SS18: variants seen among roughly 807,000 people sequenced by gnomAD.
SS18 encodes SS18 subunit of BAF chromatin remodeling complex, also known as protein SSXT.
SS18 carries 28 observed loss-of-function variants against 72.5 expected under a neutral mutation model. That is an observed-to-expected ratio of 0.39 (90% CI 0.29 to 0.53). The LOEUF (loss-of-function observed/expected upper bound fraction) is 0.53, where lower values mean the gene tolerates loss of function less well. Ranked by LOEUF, SS18 falls within the 20% of genes least tolerant of loss-of-function variation. The probability of loss-of-function intolerance (pLI) is 0.76; values close to 1 mark genes in which losing one functional copy is unlikely to be tolerated. For synonymous variants in SS18, 172 were observed against 164.2 expected, an observed-to-expected ratio of 1.05 and a Z score of -0.37; for missense variants, 518 against 535.3, an observed-to-expected ratio of 0.97 and a Z score of 0.32.
At chr18:26,030,739 G>A (rs562177253) in intron 10 of SS18, among the ~76,000 whole-genome samples, 18 of 152,082 alleles carry the variant, frequency 1.2e-4, no homozygotes, top group African/African-American at 4.3e-4. Context: ...ACTGGGTTGA[G>A]AAGTAAGAGC....
chr18:26,048,387 C>CA (rs1426423585), intron 5 of SS18, among the ~76,000 whole-genome samples: 2 of 152,070 alleles, frequency 1.3e-5, no homozygotes, highest in African/African-American at 4.8e-5. Flanking sequence ...ATAATACATC[C>CA]ATACAAAGAA....
intron 10 of SS18, among the ~76,000 whole-genome samples, chr18:26,025,384 T>G (rs1173612067): frequency 1.3e-5 from 2 of 151,704 alleles, no homozygotes; most frequent in East Asian, 3.9e-4. Flanking sequence ...TGGGCAGAAA[T>G]CAAAGAAACA....
intron 4 of SS18, among the ~76,000 whole-genome samples, chr18:26,056,832 T>C (rs2054030656): frequency 6.6e-6 from 1 of 152,206 alleles, no homozygotes; most frequent in Non-Finnish European, 1.5e-5. Context: ...ATTACGGCCA[T>C]GGGTTGATGC....
intron 3 of SS18, among the ~76,000 whole-genome samples, chr18:26,061,079 T>C (rs914134459): frequency 2.0e-5 from 3 of 152,164 alleles, no homozygotes; most frequent in Non-Finnish European, 4.4e-5. Flanking sequence ...TTTGGGAGGC[T>C]GAGGCAGGTG....
At chr18:26,050,722 G>A (rs1042830994) in intron 5 of SS18, among the ~76,000 whole-genome samples, 5 of 151,656 alleles carry the variant, frequency 3.3e-5, no homozygotes, top group Admixed American at 6.6e-5. Context: ...AAAGATTTCC[G>A]GTGAAACCCT....
At chr18:26,033,566 C>T (rs1327536403) in intron 9 of SS18, among the ~76,000 whole-genome samples, 2 of 150,806 alleles carry the variant, frequency 1.3e-5, no homozygotes, top group African/African-American at 2.4e-5. Flanking sequence ...TGTTTTCTAT[C>T]GTAGCCATTC....
intron 5 of SS18, among the ~76,000 whole-genome samples, chr18:26,047,058 T>C (rs1403012353): frequency 6.6e-6 from 1 of 152,128 alleles, no homozygotes; most frequent in African/African-American, 2.4e-5. Flanking sequence ...CAGAATTGCA[T>C]ACAGCAAGGC....
At chr18:26,034,302 C>T (rs1469597173) in intron 9 of SS18, among the ~76,000 whole-genome samples, 2 of 152,170 alleles carry the variant, frequency 1.3e-5, no homozygotes, top group African/African-American at 4.8e-5. Context: ...TAAGCAGCTA[C>T]TTTTCTTTCA....
Position 26,020,011 on chromosome 18 carries a change from G to A in SS18, c.1231-1631C>T, listed in dbSNP as rs1406473868. ...TGTTGATAAACTGATGAAGTTGGGT[G>A]ATGGGTACACAGGGGTTCACTATAT... On this transcript the variant is annotated intron_variant, in intron 10 of 10. Coordinates refer to ENST00000415083, the MANE Select transcript of SS18 (RefSeq NM_001007559.3). Among the ~76,000 whole-genome samples, 3 of 152,062 alleles carry A rather than the reference G, an allele frequency of 2.0e-5. No individual in the cohort carries two copies. The East Asian group carries it at 5.8e-4, about 29-fold the overall frequency.
intron 4 of SS18, among the ~76,000 whole-genome samples, chr18:26,054,392 A>C (rs1050278570): frequency 6.6e-6 from 1 of 152,184 alleles, no homozygotes; most frequent in Non-Finnish European, 1.5e-5. Flanking sequence ...CTAGAGATAT[A>C]CAAATTTTTG....
At chr18:26,045,459 T>A (rs187875314) in intron 5 of SS18, among the ~76,000 whole-genome samples, 27 of 152,314 alleles carry the variant, frequency 1.8e-4, no homozygotes, top group African/African-American at 6.0e-4. Flanking sequence ...CATCTGCCTG[T>A]GCCACATTCT....
chr18:26,067,711 C>T (rs376041820), intron 3 of SS18, among the ~76,000 whole-genome samples: 7 of 152,120 alleles, frequency 4.6e-5, no homozygotes, highest in South Asian at 4.2e-4. Flanking sequence ...CGACGAGCTG[C>T]GCAGCCAGAG....
intron 10 of SS18, among the ~76,000 whole-genome samples, chr18:26,021,295 A>G (rs1262012137): frequency 1.3e-5 from 2 of 152,196 alleles, no homozygotes; most frequent in Admixed American, 6.5e-5. Context: ...ATCATCTGAC[A>G]AGGGTAATTA....
chr18:26,064,912 G>T (rs184723119), intron 3 of SS18: 1 of 151,804 alleles, frequency 6.6e-6, no homozygotes, highest in East Asian at 1.9e-4. Flanking sequence ...AATAACTAAG[G>T]TCAATATATA....
intron 9 of SS18, 57 bp from the exon 10 acceptor site, chr18:26,032,589 G>C: frequency 1.3e-6 from 2 of 1,586,984 alleles, no homozygotes; most frequent in South Asian, 2.3e-5. Flanking sequence ...CTAGAACTCA[G>C]GGAAGGATGT....
chr18:26,074,245 G>A (rs918167707), intron 3 of SS18, among the ~76,000 whole-genome samples: 2 of 151,412 alleles, frequency 1.3e-5, no homozygotes, highest in South Asian at 4.2e-4. Flanking sequence ...AGACCAATGG[G>A]CTTAAATGTA....
chr18:26,083,755 T>C (rs2144174543), intron 2 of SS18, among the ~76,000 whole-genome samples: 1 of 152,282 alleles, frequency 6.6e-6, no homozygotes, highest in East Asian at 1.9e-4. Flanking sequence ...AGCGCATGAT[T>C]GTATTCTAAT....
chr18:26,066,745 GAT>G, intron 3 of SS18, among the ~76,000 whole-genome samples: 1 of 151,820 alleles, frequency 6.6e-6, no homozygotes, highest in Middle Eastern at 3.4e-3. Context: ...TTTTTCCTAA[GAT>G]ATTTGAAAAA....
At chr18:26,025,873 AAC>A (rs199773946) in intron 10 of SS18, among the ~76,000 whole-genome samples, 3,006 of 152,174 alleles carry the variant, frequency 0.02, 90 homozygotes, top group African/African-American at 0.069. Flanking sequence ...AAAAAAAAAA[AAC>A]AGATTCCAAA....
Sources: allele counts gnomAD v4.1 joint callset (sites outside exome capture counted in the v4.1 genomes callset), GRCh38; gene constraint gnomAD v4.1.1; transcripts MANE v1.5; gene names NCBI Gene and HGNC (gene_info 2026-07-23, HGNC 2026-07-21).